The following MERTK variants were observed in gnomAD, a reference collection of about 807,000 sequenced individuals.
The protein encoded by MERTK is MER proto-oncogene, tyrosine kinase.
Under a neutral mutation model 99.3 loss-of-function variants are expected in MERTK, and 69 were observed. The ratio of observed to expected loss-of-function variants is 0.70; its 90% CI spans 0.57 to 0.85. The LOEUF (loss-of-function observed/expected upper bound fraction) is 0.85, where lower values mean the gene tolerates loss of function less well. Among genes scored for constraint, MERTK ranks in the 40% least tolerant of loss-of-function variants. The probability of loss-of-function intolerance (pLI) is 0.00; values close to 1 mark genes in which losing one functional copy is unlikely to be tolerated. For synonymous variants in MERTK, 426 were observed against 467.6 expected, an observed-to-expected ratio of 0.91 and a Z score of 1.15; for missense variants, 1,125 against 1,249.4, an observed-to-expected ratio of 0.90 and a Z score of 1.50.
At chr2:111,937,008 TG>T (rs1191769934) in intron 2 of MERTK, among the ~76,000 whole-genome samples, 1 of 152,026 alleles carries the variant, frequency 6.6e-6, no homozygotes, top group Non-Finnish European at 1.5e-5. Flanking sequence ...AACCAAAAAC[TG>T]GTGGGAGTCT....
intron 1 of MERTK, among the ~76,000 whole-genome samples, chr2:111,915,093 C>T (rs919904074): frequency 6.6e-6 from 1 of 152,166 alleles, no homozygotes; most frequent in Non-Finnish European, 1.5e-5. Flanking sequence ...TTCAAATTAT[C>T]TATTTCATGT....
At chr2:111,909,944 G>T (rs965736821) in intron 1 of MERTK, among the ~76,000 whole-genome samples, 3 of 152,080 alleles carry the variant, frequency 2.0e-5, no homozygotes, top group Admixed American at 6.6e-5. Context: ...CAAAAGAAAG[G>T]ATATCAGTAT....
At chr2:112,003,792 G>A (rs56097910) in intron 12 of MERTK, 112 bp from the exon 13 acceptor site, 24,899 of 972,320 alleles carry the variant, frequency 0.026, 493 homozygotes, top group Middle Eastern at 0.056. Context: ...CTGGCTGCCC[G>A]TGGGTGAGTT....
intron 1 of MERTK, among the ~76,000 whole-genome samples, chr2:111,902,617 G>A (rs571004808): frequency 6.6e-6 from 1 of 152,140 alleles, no homozygotes; most frequent in South Asian, 2.1e-4. Flanking sequence ...ATCTCGGCAT[G>A]CTGGCTTCTT....
intron 4 of MERTK, among the ~76,000 whole-genome samples, chr2:111,955,251 C>T (rs55814634): frequency 0.021 from 3,191 of 152,252 alleles, 57 homozygotes; most frequent in Middle Eastern, 0.068. Flanking sequence ...TATTTTTCCT[C>T]TGTGTTGTAT....
chr2:111,988,660 G>A (rs1323287302), intron 8 of MERTK, among the ~76,000 whole-genome samples: 1 of 152,214 alleles, frequency 6.6e-6, no homozygotes, highest in African/African-American at 2.4e-5. Flanking sequence ...ACCCTTAACT[G>A]TGAGGCCAGG....
intron 1 of MERTK, among the ~76,000 whole-genome samples, chr2:111,923,139 A>T (rs552627913): frequency 6.6e-6 from 1 of 152,210 alleles, no homozygotes; most frequent in Non-Finnish European, 1.5e-5. Flanking sequence ...TGTTTGCTGC[A>T]TGTGACTCCA....
intron 16 of MERTK, 108 bp from the exon 17 acceptor site, chr2:112,021,314 G>A: frequency 6.6e-7 from 1 of 1,515,178 alleles, no homozygotes; most frequent in Non-Finnish European, 9.1e-7. Flanking sequence ...TGGTGTCTCT[G>A]TGTTCTTTTG....
At chr2:111,900,851 C>G (rs928212377) in intron 1 of MERTK, among the ~76,000 whole-genome samples, 2 of 152,138 alleles carry the variant, frequency 1.3e-5, no homozygotes, top group African/African-American at 4.8e-5. Context: ...GGAAATTAGA[C>G]TCTTCATCTA....
intron 1 of MERTK, among the ~76,000 whole-genome samples, chr2:111,914,209 AT>A (rs1684306618): frequency 6.9e-6 from 1 of 145,850 alleles, no homozygotes. Context: ...GGTTCAAGTG[AT>A]TCTCCTGTCT....
At chr2:112,020,922 G>A (rs978600277) in intron 16 of MERTK, among the ~76,000 whole-genome samples, 1 of 151,836 alleles carries the variant, frequency 6.6e-6, no homozygotes, top group African/African-American at 2.4e-5. Context: ...GGCTAGGCGT[G>A]GTAGCTCATA....
chr2:111,971,378 T>C (rs1676116333), intron 6 of MERTK, among the ~76,000 whole-genome samples: 1 of 152,130 alleles, frequency 6.6e-6, no homozygotes, highest in South Asian at 2.1e-4. Flanking sequence ...TTTGCTCTTT[T>C]TCTAGTTTTG....
chr2:111,956,224 G>A (rs1056855218), intron 4 of MERTK, among the ~76,000 whole-genome samples: 1 of 152,044 alleles, frequency 6.6e-6, no homozygotes, highest in Non-Finnish European at 1.5e-5. Context: ...TATAAAATAG[G>A]GATAATAGCA....
chr2:111,922,647 G>C (rs746470841), intron 1 of MERTK, among the ~76,000 whole-genome samples: 3 of 152,194 alleles, frequency 2.0e-5, no homozygotes, highest in Non-Finnish European at 4.4e-5. Context: ...GAGTGTGCTG[G>C]TGGACTCGAT....
intron 4 of MERTK, among the ~76,000 whole-genome samples, chr2:111,961,495 G>T (rs1198099907): frequency 1.3e-5 from 2 of 152,152 alleles, no homozygotes; most frequent in Non-Finnish European, 2.9e-5. Context: ...AAGCAATCCA[G>T]CTTAGGGTTT....
chr2:111,942,428 A>G (rs909859441), intron 2 of MERTK, among the ~76,000 whole-genome samples: 1 of 152,204 alleles, frequency 6.6e-6, no homozygotes, highest in Non-Finnish European at 1.5e-5. Flanking sequence ...GATGGGCAGG[A>G]CATCATTCTA....
At chr2:111,933,557 A>G (rs989258278) in intron 2 of MERTK, among the ~76,000 whole-genome samples, 4 of 151,932 alleles carry the variant, frequency 2.6e-5, no homozygotes, top group African/African-American at 9.7e-5. Context: ...TTTTTTTTCT[A>G]AAAGGTATTA....
At chr2:111,969,930 A>T (rs1026742028) in intron 6 of MERTK, among the ~76,000 whole-genome samples, 1 of 151,892 alleles carries the variant, frequency 6.6e-6, no homozygotes, top group Non-Finnish European at 1.5e-5. Flanking sequence ...TGACCTCATG[A>T]TCCGCCTGTC....
At position 112,004,091 on chromosome 2, in the gene MERTK, G is replaced by A. The variant is rs370354780; in HGVS notation, c.1867+107G>A. 1.4e-4 allele frequency: 135 copies of A among 949,498 alleles called. No homozygotes were observed. The South Asian group carries it at 1.7e-3, about 12-fold the overall frequency. 58.8% of individuals were successfully genotyped at this position (949,498 alleles called of 1,614,324 possible). ...AATCTCAGTTCCCAGTGGGCCAGAA[G>A]GCAATGTGGAACACTGGTCACCAAG... On this transcript the variant is annotated intron_variant, in intron 13 of 18. Coordinates refer to ENST00000295408, the MANE Select transcript of MERTK (RefSeq NM_006343.3).
Sources: allele counts gnomAD v4.1 joint callset (sites outside exome capture counted in the v4.1 genomes callset), GRCh38; gene constraint gnomAD v4.1.1; transcripts MANE v1.5; gene names NCBI Gene and HGNC (gene_info 2026-07-23, HGNC 2026-07-21).